Variants in LMAN2L observed in about 807,000 individuals in gnomAD.
The protein encoded by LMAN2L is lectin, mannose binding 2 like, also known as VIP36-like protein.
Under a neutral mutation model 44.3 loss-of-function variants are expected in LMAN2L, and 30 were observed. That is an observed-to-expected ratio of 0.68 (90% CI 0.51 to 0.92). LMAN2L has a LOEUF of 0.92. Ranked by LOEUF, LMAN2L falls within the 40% of genes least tolerant of loss-of-function variation. The pLI, the probability that LMAN2L is intolerant of heterozygous loss-of-function variation, is 0.00. For missense variants in LMAN2L, 429 were observed against 446.1 expected, an observed-to-expected ratio of 0.96 and a Z score of 0.35; for synonymous variants, 183 against 171.1, an observed-to-expected ratio of 1.07 and a Z score of -0.54.
chr2:96,739,475 A>T (rs527712905), intron 1 of LMAN2L, among the ~76,000 whole-genome samples: 1 of 152,236 alleles, frequency 6.6e-6, no homozygotes, highest in African/African-American at 2.4e-5. Flanking sequence ...GTTCTACCCC[A>T]GTTCTTCCTC....
chr2:96,722,651 A>C (rs1005059341), intron 4 of LMAN2L, among the ~76,000 whole-genome samples: 9 of 152,214 alleles, frequency 5.9e-5, no homozygotes, highest in Non-Finnish European at 4.4e-5. Flanking sequence ...CCCCTGCTCT[A>C]ATCAGTTGAT....
rs1193326509 is a variant in LMAN2L, at chr2:96,711,797, G to C, written c.670-27C>G. Reference sequence around the variant, plus strand: ...TAGAATAAAAAGAGAGATAAATCAGGGTCAGGCCATGGGAGCAAGAGCGAC... The same window carrying C: ...TAGAATAAAAAGAGAGATAAATCAGCGTCAGGCCATGGGAGCAAGAGCGAC... On this transcript the variant is annotated intron_variant, in intron 5 of 7. Coordinates refer to ENST00000264963, the MANE Select transcript of LMAN2L (RefSeq NM_030805.4). The C allele has an allele frequency of 2.5e-6, 4 of 1,612,952 alleles. No homozygotes were observed. In the Admixed American group the frequency reaches 6.7e-5, roughly 27 times the overall value.
chr2:96,738,323 G>A lies in LMAN2L; in HGVS notation c.188-256C>T, dbSNP rs376168258. Among the ~76,000 whole-genome samples, 20 of 152,104 alleles carry A rather than the reference G, an allele frequency of 1.3e-4. No individual in the cohort carries two copies. The East Asian group carries it at 3.3e-3, about 25-fold the overall frequency. On this transcript the variant is annotated intron_variant, in intron 1 of 7. Coordinates refer to ENST00000264963, the MANE Select transcript of LMAN2L (RefSeq NM_030805.4). ...ACCATAGCTCACATCCATTCTTCCC[G>A]TTTTATATGTGAGTAAACTTCAGCA...
At chr2:96,738,321 C>A (rs1226471759) in intron 1 of LMAN2L, among the ~76,000 whole-genome samples, 1 of 152,100 alleles carries the variant, frequency 6.6e-6, no homozygotes, top group African/African-American at 2.4e-5. Context: ...TCCATTCTTC[C>A]CGTTTTATAT....
At chr2:96,726,790 A>T (rs976017373) in intron 4 of LMAN2L, among the ~76,000 whole-genome samples, 2 of 149,918 alleles carry the variant, frequency 1.3e-5, no homozygotes, top group South Asian at 4.2e-4. Flanking sequence ...TCTCAAAAAA[A>T]ATAAAAAGGT....
At chr2:96,736,463 G>A (rs1212735960) in intron 2 of LMAN2L, among the ~76,000 whole-genome samples, 1 of 152,170 alleles carries the variant, frequency 6.6e-6, no homozygotes, top group Non-Finnish European at 1.5e-5. Flanking sequence ...AAGAACTAGA[G>A]GCTATACTAG....
intron 4 of LMAN2L, among the ~76,000 whole-genome samples, chr2:96,721,104 T>C (rs528177449): frequency 6.6e-6 from 1 of 152,158 alleles, no homozygotes; most frequent in African/African-American, 2.4e-5. Context: ...AAAAATCTCA[T>C]GCCCACTAGT....
At chr2:96,708,290 G>C (rs930627590) in intron 6 of LMAN2L, among the ~76,000 whole-genome samples, 2 of 152,210 alleles carry the variant, frequency 1.3e-5, no homozygotes, top group African/African-American at 4.8e-5. Flanking sequence ...ATCGTGTACT[G>C]TATTCCATAC....
intron 2 of LMAN2L, among the ~76,000 whole-genome samples, chr2:96,734,867 G>A (rs1003737123): frequency 6.6e-6 from 1 of 152,204 alleles, no homozygotes; most frequent in African/African-American, 2.4e-5. Context: ...TCGGCTTTTA[G>A]AGTACAGATG....
intron 6 of LMAN2L, 28 bp downstream of exon 6, chr2:96,711,628 G>A: frequency 1.3e-6 from 2 of 1,498,804 alleles, no homozygotes; most frequent in South Asian, 1.1e-5. Flanking sequence ...CCTCAGTCAG[G>A]GCAAACCAAG....
chr2:96,727,502 C>T (rs996112536), intron 4 of LMAN2L, among the ~76,000 whole-genome samples: 1 of 152,136 alleles, frequency 6.6e-6, no homozygotes, highest in Non-Finnish European at 1.5e-5. Flanking sequence ...TGTGGTGGCG[C>T]ATGCCTGTGG....
In LMAN2L at chr2:96,737,234, G is replaced by A; in HGVS notation, c.306+715C>T. On this transcript the variant is annotated intron_variant, in intron 2 of 7. Transcript: ENST00000264963. Reference sequence around the variant, plus strand: ...ACAATGCAGCTAGAAAAGGTCCAGAGAAGGACAAATAAAATGACCAACAGC... The same window carrying A: ...ACAATGCAGCTAGAAAAGGTCCAGAAAAGGACAAATAAAATGACCAACAGC... 4.6e-6 allele frequency: 2 copies of A among 430,972 alleles called. 1 individual carries two copies. Among genetic ancestry groups the A allele is most frequent in the South Asian group, 3.4e-5 (2 of 59,622 alleles). The allele number at this position is 430,972 out of a possible 1,614,324, so 26.7% of individuals were successfully genotyped here.
At chr2:96,726,360 T>G (rs1421328794) in intron 4 of LMAN2L, among the ~76,000 whole-genome samples, 1 of 152,028 alleles carries the variant, frequency 6.6e-6, no homozygotes, top group East Asian at 1.9e-4. Context: ...TTATTTCACT[T>G]TCATGTCTCT....
intron 2 of LMAN2L, among the ~76,000 whole-genome samples, chr2:96,737,449 A>C (rs2078539492): frequency 6.6e-6 from 1 of 152,214 alleles, no homozygotes; most frequent in Non-Finnish European, 1.5e-5. Flanking sequence ...CAAGAGTTTG[A>C]GACCAGCCTG....
chr2:96,711,855 G>A lies in LMAN2L; in HGVS notation c.669+9C>T. Reference sequence around the variant, plus strand: ...ACACCACCATCTGGTCCAGGACAAGGACTCTCACCGTCAAATGCCTCTTGA... The same window carrying A: ...ACACCACCATCTGGTCCAGGACAAGAACTCTCACCGTCAAATGCCTCTTGA... On this transcript the variant is annotated intron_variant, in intron 5 of 7. Coordinates refer to ENST00000264963, the MANE Select transcript of LMAN2L (RefSeq NM_030805.4). 6.2e-7 allele frequency: 1 copy of A among 1,614,154 alleles called. No homozygotes were observed. The highest frequency in any genetic ancestry group is 8.5e-7 in the Non-Finnish European group (1 of 1,180,004).
At chr2:96,711,335 TA>T (rs1230633280) in intron 6 of LMAN2L, among the ~76,000 whole-genome samples, 4 of 152,092 alleles carry the variant, frequency 2.6e-5, no homozygotes, top group Non-Finnish European at 4.4e-5. Flanking sequence ...CGGGGAACAT[TA>T]GTGGTTGGAA....
chr2:96,728,359 G>A (rs1235310725), intron 4 of LMAN2L, among the ~76,000 whole-genome samples: 2 of 152,004 alleles, frequency 1.3e-5, no homozygotes, highest in Non-Finnish European at 1.5e-5. Flanking sequence ...TTAGCCGGGC[G>A]TGGTTGCAGG....
intron 4 of LMAN2L, among the ~76,000 whole-genome samples, chr2:96,716,014 A>G (rs1377057641): frequency 2.0e-5 from 3 of 152,232 alleles, no homozygotes; most frequent in Non-Finnish European, 4.4e-5. Flanking sequence ...ATAAACATTC[A>G]ATCAGTGACT....
At chr2:96,729,820 A>G (rs2078356103) in intron 4 of LMAN2L, among the ~76,000 whole-genome samples, 1 of 152,124 alleles carries the variant, frequency 6.6e-6, no homozygotes, top group African/African-American at 2.4e-5. Context: ...ATTTAGTTTT[A>G]TAAGGATAAA....
Sources: allele counts gnomAD v4.1 joint callset (sites outside exome capture counted in the v4.1 genomes callset), GRCh38; gene constraint gnomAD v4.1.1; transcripts MANE v1.5; gene names NCBI Gene and HGNC (gene_info 2026-07-23, HGNC 2026-07-21).